CYTH1: variants seen among roughly 807,000 people sequenced by gnomAD.
CYTH1 encodes cytohesin 1.
CYTH1 carries 18 observed loss-of-function variants against 61.8 expected under a neutral mutation model. That is an observed-to-expected ratio of 0.29 (90% CI 0.20 to 0.43). The LOEUF (loss-of-function observed/expected upper bound fraction) is 0.43, where lower values mean the gene tolerates loss of function less well. Ranked by LOEUF, CYTH1 falls within the 20% of genes least tolerant of loss-of-function variation. The pLI is 1.00. For missense variants in CYTH1, 336 were observed against 510.5 expected (o/e 0.66, Z 3.29); for synonymous variants, 174 against 184.3 (o/e 0.94, Z 0.45).
intron 1 of CYTH1, among the ~76,000 whole-genome samples, chr17:78,770,355 G>GA (rs35531159): frequency 9.4e-4 from 120 of 128,332 alleles, no homozygotes; most frequent in Admixed American, 1.9e-3. Context: ...GAAAAGAAAA[G>GA]AAAAAAAAAA....
intron 1 of CYTH1, among the ~76,000 whole-genome samples, chr17:78,721,816 C>T (rs1176254178): frequency 6.6e-6 from 1 of 152,090 alleles, no homozygotes; most frequent in African/African-American, 2.4e-5. Context: ...GGCCGAGGCT[C>T]GTGGATCACT....
intron 1 of CYTH1, among the ~76,000 whole-genome samples, chr17:78,769,356 C>T (rs1469909680): frequency 1.3e-5 from 2 of 152,138 alleles, no homozygotes; most frequent in South Asian, 2.1e-4. Flanking sequence ...CCCCAAGTGG[C>T]GAAACTGCTT....
rs750577717 is a variant in CYTH1 at position 78,676,099 on chromosome 17, G to C, written c.1189C>G (p.Arg397Gly). 1.9e-6 allele frequency: 3 copies of C among 1,608,620 alleles called. No homozygotes were observed. The African/African-American group carries it at 4.0e-5, about 21-fold the overall frequency. The change falls in exon 14 of 14, where the codon CGA (arginine) becomes GGA (glycine). Residue 397 changes from arginine (R) to glycine (G), a missense_variant. Coordinates refer to ENST00000446868, the MANE Select transcript of CYTH1 (RefSeq NM_004762.6). Reference sequence around the variant, plus strand: ...CGCCCTTGGCTGCACGCTCAGTGTCGCTTCGTGGAGGAGACCTTCTTTTTC... The same window carrying C: ...CGCCCTTGGCTGCACGCTCAGTGTCCCTTCGTGGAGGAGACCTTCTTTTTC... Reference protein sequence around the residue: ...ARKKKVSSTKRH With the variant: ...ARKKKVSSTKGH
chr17:78,738,788 G>T (rs750892750), intron 1 of CYTH1, among the ~76,000 whole-genome samples: 61 of 152,168 alleles, frequency 4.0e-4, no homozygotes, highest in Non-Finnish European at 8.1e-4. Flanking sequence ...CTGGTATCAG[G>T]TCTGATTCAC....
intron 1 of CYTH1, among the ~76,000 whole-genome samples, chr17:78,778,297 CAAA>C (rs869247023): frequency 1.1e-4 from 7 of 65,200 alleles, no homozygotes; most frequent in East Asian, 4.7e-4. Flanking sequence ...AAGACTGTCT[CAAA>C]AAAAAAAAAA....
chr17:78,765,948 T>G (rs1463818311), intron 1 of CYTH1, among the ~76,000 whole-genome samples: 1 of 152,040 alleles, frequency 6.6e-6, no homozygotes, highest in African/African-American at 2.4e-5. Context: ...CACATTCCAA[T>G]GAGGCCCTGT....
intron 1 of CYTH1, among the ~76,000 whole-genome samples, chr17:78,721,708 T>C (rs1203610417): frequency 3.3e-5 from 5 of 152,300 alleles, no homozygotes; most frequent in South Asian, 2.1e-4. Context: ...TCCTCACTTA[T>C]GTAATGAGGA....
intron 13 of CYTH1, chr17:78,677,142 A>G (rs1291744754): frequency 2.2e-6 from 1 of 451,246 alleles, no homozygotes; most frequent in African/African-American, 2.0e-5. Context: ...ACATGTCCCG[A>G]TGGGATCTCA....
intron 1 of CYTH1, among the ~76,000 whole-genome samples, chr17:78,714,550 CACAA>C (rs1396046560): frequency 1.3e-5 from 2 of 152,202 alleles, no homozygotes; most frequent in Non-Finnish European, 2.9e-5. Context: ...CACACACACA[CACAA>C]ACACACACAC....
In CYTH1 at chr17:78,694,702, T is replaced by C. The variant is rs112426640; in HGVS notation, c.814+1305A>G. Among the ~76,000 whole-genome samples the C allele has an allele frequency of 9.7e-3, 1,467 of 151,986 alleles. 13 individuals carry two copies. The highest frequency in any genetic ancestry group is 0.015 in the Non-Finnish European group (1,019 of 67,980). ...CACTACCCGGGGAACCCTTCGGACA[T>C]AGGAGATCATGGAAAAAGCGAGTCA... is the stretch of plus-strand genomic sequence containing the variant. On this transcript the variant is annotated intron_variant, in intron 10 of 13. Coordinates refer to ENST00000446868, the MANE Select transcript of CYTH1 (RefSeq NM_004762.6).
At chr17:78,744,233 G>A (rs1380134479) in intron 1 of CYTH1, among the ~76,000 whole-genome samples, 1 of 152,202 alleles carries the variant, frequency 6.6e-6, no homozygotes, top group East Asian at 1.9e-4. Context: ...AGGAGATGGA[G>A]AGGAGACCTG....
In CYTH1 at chr17:78,760,479, ATG is replaced by A. The variant is rs1357047669; in HGVS notation, c.22+21721_22+21722del. On this transcript the variant is annotated intron_variant, in intron 1 of 13. Coordinates refer to ENST00000446868, the MANE Select transcript of CYTH1 (RefSeq NM_004762.6). ...TACATACATATATATATGTATATATATGTATGTATATATATATACATATATAT... is the reference window on the plus strand; with the variant it reads ...TACATACATATATATATGTATATATATATGTATATATATATACATATATAT... Among the ~76,000 whole-genome samples the A allele has an allele frequency of 1.8e-4, 9 of 49,128 alleles. 1 individual carries two copies. The highest frequency in any genetic ancestry group is 5.0e-4 in the African/African-American group (6 of 12,058). The allele number at this position is 49,128 out of a possible 152,430, so 32.2% of individuals were successfully genotyped here. A position where few individuals can be genotyped will look rare whatever the true frequency, so the allele number is the denominator to read the frequency against.
At chr17:78,693,311 G>A (rs573021884) in intron 10 of CYTH1, among the ~76,000 whole-genome samples, 7 of 152,238 alleles carry the variant, frequency 4.6e-5, no homozygotes, top group South Asian at 2.1e-4. Flanking sequence ...GTTCTTTTTA[G>A]TATTTCTCAG....
chr17:78,762,174 A>G (rs768349912), intron 1 of CYTH1, among the ~76,000 whole-genome samples: 2 of 152,244 alleles, frequency 1.3e-5, no homozygotes, highest in Non-Finnish European at 2.9e-5. Context: ...CTCTCAGAGT[A>G]CAAAAACATT....
rs1013542270 is a variant in CYTH1 at position 78,703,127 on chromosome 17, G to A, written c.171-523C>T. On this transcript the variant is annotated intron_variant, in intron 3 of 13. Coordinates refer to ENST00000446868, the MANE Select transcript of CYTH1 (RefSeq NM_004762.6). ...CATGATTTTTAAAAAAACTTTATCA[G>A]GGTAGGCCGGGCACAGTGGCTCATG... Among the ~76,000 whole-genome samples, 5 of 151,510 alleles carry A rather than the reference G, an allele frequency of 3.3e-5. No individual in the cohort carries two copies. The East Asian group carries it at 9.8e-4, about 30-fold the overall frequency.
chr17:78,759,854 T>C (rs117069242), intron 1 of CYTH1, among the ~76,000 whole-genome samples: 5 of 152,324 alleles, frequency 3.3e-5, no homozygotes, highest in Non-Finnish European at 5.9e-5. Context: ...AGCCTGCCTG[T>C]GTGATGTGAC....
Position 78,692,414 on chromosome 17 carries a change from C to A in CYTH1, c.891+3G>T. The A allele has an allele frequency of 6.2e-7, 1 of 1,614,098 alleles. No individual in the cohort carries two copies. Among genetic ancestry groups the A allele is most frequent in the South Asian group, 1.1e-5 (1 of 91,068 alleles). On this transcript the variant is annotated splice_donor_region_variant and intron_variant, in intron 11 of 13. Transcript: ENST00000446868. ...GTCTGGAGGCCGACTAGCAGGTGCT[C>A]ACCGTGGTATACTCAAAGTAGTAAA...
At chr17:78,721,515 A>G (rs1239738028) in intron 1 of CYTH1, among the ~76,000 whole-genome samples, 1 of 152,198 alleles carries the variant, frequency 6.6e-6, no homozygotes, top group East Asian at 1.9e-4. Flanking sequence ...TTTCCCCACT[A>G]ACAGTAAATC....
At position 78,677,111 on chromosome 17, in the gene CYTH1, A is replaced by G. The variant is rs544643008; in HGVS notation, c.1119-942T>C. On this transcript the variant is annotated intron_variant, in intron 13 of 13. Coordinates refer to ENST00000446868, the MANE Select transcript of CYTH1 (RefSeq NM_004762.6). ...CTTCCGCAGCTCCCCGGGGAATGCT[A>G]GGAACTGAAGAGCACTAGAAACATG... 1.4e-3 allele frequency: 658 copies of G among 455,624 alleles called. 8 individuals carry two copies. Among genetic ancestry groups the G allele is most frequent in the South Asian group, 9.9e-3 (638 of 64,538 alleles). The allele number at this position is 455,624 out of a possible 1,614,324, so 28.2% of individuals were successfully genotyped here. A position where few individuals can be genotyped will look rare whatever the true frequency, so the allele number is the denominator to read the frequency against.
Sources: allele counts gnomAD v4.1 joint callset (sites outside exome capture counted in the v4.1 genomes callset), GRCh38; gene constraint gnomAD v4.1.1; transcripts MANE v1.5; gene names NCBI Gene and HGNC (gene_info 2026-07-23, HGNC 2026-07-21).